CHODL: variants seen among roughly 807,000 people sequenced by gnomAD.
CHODL encodes the protein transmembrane protein MT75.
In CHODL, 29 loss-of-function variants were observed where a neutral mutation model predicts 34.5. The ratio of observed to expected loss-of-function variants is 0.84; its 90% CI spans 0.63 to 1.15. The LOEUF (loss-of-function observed/expected upper bound fraction) is 1.15. Ranked by LOEUF, CHODL falls within the 50% of genes most tolerant of loss-of-function variation. The probability of loss-of-function intolerance (pLI) is 0.00; values close to 1 mark genes in which losing one functional copy is unlikely to be tolerated. For synonymous variants in CHODL, 125 were observed against 116.1 expected, an observed-to-expected ratio of 1.08 and a Z score of -0.49; for missense variants, 332 against 332.5, an observed-to-expected ratio of 1.00 and a Z score of 0.01.
intron 1 of CHODL, among the ~76,000 whole-genome samples, chr21:17,998,313 G>T (rs908156777): frequency 2.0e-5 from 3 of 152,204 alleles, no homozygotes; most frequent in African/African-American, 4.8e-5. Flanking sequence ...TCAGGGTACA[G>T]TCTCTCTCCT....
intron 2 of CHODL, among the ~76,000 whole-genome samples, chr21:18,045,880 A>G (rs2064436909): frequency 6.6e-6 from 1 of 151,956 alleles, no homozygotes; most frequent in South Asian, 2.1e-4. Flanking sequence ...ACAAGGTGCC[A>G]TCTGAGAAGC....
At chr21:17,964,355 ACACACACG>A (rs1945592994) in intron 1 of CHODL, among the ~76,000 whole-genome samples, 2 of 152,254 alleles carry the variant, frequency 1.3e-5, no homozygotes, top group Admixed American at 1.3e-4. Context: ...ACAGTCACAC[ACACACACG>A]CACACATGCG....
chr21:18,056,939 G>T (rs971885116), intron 2 of CHODL, among the ~76,000 whole-genome samples: 1 of 152,020 alleles, frequency 6.6e-6, no homozygotes, highest in African/African-American at 2.4e-5. Context: ...CCCAATATCT[G>T]GTATTTCTGC....
Position 18,260,303 on chromosome 21 carries a change from T to C in CHODL, c.634+17T>C, listed in dbSNP as rs755513402. On this transcript the variant is annotated intron_variant, in intron 4 of 5. Transcript: ENST00000299295. ...CTGAAGCAGGTAATTACTTCATGTG[T>C]CTTTAACTTCATCAAGAACTGAACT... 4.4e-5 allele frequency: 65 copies of C among 1,475,784 alleles called. No homozygotes were observed. In the East Asian group the frequency reaches 1.4e-3, roughly 32 times the overall value. The allele number at this position is 1,475,784 out of a possible 1,614,324, so 91.4% of individuals were successfully genotyped here. A position where few individuals can be genotyped will look rare whatever the true frequency, so the allele number is the denominator to read the frequency against.
intron 2 of CHODL, among the ~76,000 whole-genome samples, chr21:18,192,671 G>T (rs2073525105): frequency 1.3e-5 from 2 of 151,962 alleles, no homozygotes; most frequent in Admixed American, 6.6e-5. Flanking sequence ...ATTTTTGTTT[G>T]TATTGCTTTG....
chr21:18,188,929 C>T (rs1241639999), intron 2 of CHODL, among the ~76,000 whole-genome samples: 3 of 152,174 alleles, frequency 2.0e-5, no homozygotes, highest in East Asian at 3.8e-4. Context: ...AGACCAATAA[C>T]GAGGGTGATG....
chr21:18,251,793 AG>A (rs1417705039), intron 1 of CHODL, among the ~76,000 whole-genome samples: 1 of 144,462 alleles, frequency 6.9e-6, no homozygotes, highest in Non-Finnish European at 1.5e-5. Flanking sequence ...CTTTATATAA[AG>A]AAGCCTCTTT....
At chr21:18,036,424 C>T (rs542592466) in intron 2 of CHODL, among the ~76,000 whole-genome samples, 5 of 152,022 alleles carry the variant, frequency 3.3e-5, no homozygotes, top group Non-Finnish European at 5.9e-5. Flanking sequence ...TAGGACTGTA[C>T]GCTCTGGCAC....
intron 2 of CHODL, among the ~76,000 whole-genome samples, chr21:18,076,503 A>C (rs1168086753): frequency 6.6e-6 from 1 of 152,178 alleles, no homozygotes; most frequent in African/African-American, 2.4e-5. Flanking sequence ...AAAGGCAAGA[A>C]GAGAAAAATG....
At chr21:18,040,239 C>T (rs1279650092) in intron 2 of CHODL, among the ~76,000 whole-genome samples, 4 of 151,782 alleles carry the variant, frequency 2.6e-5, no homozygotes, top group Admixed American at 2.6e-4. Flanking sequence ...TACATGTGGA[C>T]AATTCTTTCT....
chr21:18,044,490 T>A (rs79599206), intron 2 of CHODL, among the ~76,000 whole-genome samples: 1 of 151,964 alleles, frequency 6.6e-6, no homozygotes, highest in African/African-American at 2.4e-5. Flanking sequence ...ACTAACAACA[T>A]TGAATTTTCA....
chr21:18,246,633 G>C (rs2074145287), intron 1 of CHODL, among the ~76,000 whole-genome samples: 1 of 152,138 alleles, frequency 6.6e-6, no homozygotes, highest in South Asian at 2.1e-4. Context: ...TTACTTATCT[G>C]TCTTTGTATT....
intron 2 of CHODL, among the ~76,000 whole-genome samples, chr21:18,205,737 C>CTTT (rs56091373): frequency 0.097 from 12,274 of 126,988 alleles, 937 homozygotes; most frequent in African/African-American, 0.21. Context: ...AAGGAGTATA[C>CTTT]TTTTTTTTTT....
intron 2 of CHODL, among the ~76,000 whole-genome samples, chr21:18,136,956 C>T (rs1038547706): frequency 1.3e-5 from 2 of 151,958 alleles, no homozygotes; most frequent in African/African-American, 4.8e-5. Context: ...CTGCTCATCT[C>T]ATTTCACATT....
chr21:18,109,615 C>A (rs2146559249), intron 2 of CHODL, among the ~76,000 whole-genome samples: 1 of 152,198 alleles, frequency 6.6e-6, no homozygotes, highest in Middle Eastern at 3.4e-3. Flanking sequence ...GTCTTTTTTA[C>A]ATGCTTGTTT....
intron 2 of CHODL, among the ~76,000 whole-genome samples, chr21:18,222,524 G>A (rs1005291456): frequency 7.2e-5 from 11 of 152,248 alleles, no homozygotes; most frequent in Admixed American, 5.9e-4. Flanking sequence ...GGGCCTGTGA[G>A]AGCTGAGGGG....
At chr21:18,233,684 A>T (rs2074003279) in intron 2 of CHODL, among the ~76,000 whole-genome samples, 1 of 151,976 alleles carries the variant, frequency 6.6e-6, no homozygotes, top group Non-Finnish European at 1.5e-5. Flanking sequence ...CCTTTTTTTA[A>T]AAAAAATAAG....
At chr21:18,123,770 A>T (rs1031557160) in intron 2 of CHODL, among the ~76,000 whole-genome samples, 4 of 152,116 alleles carry the variant, frequency 2.6e-5, no homozygotes, top group Non-Finnish European at 5.9e-5. Context: ...TTGGCATGAA[A>T]TTTTTTTTGT....
At chr21:18,239,777 T>C (rs1254887452) in intron 2 of CHODL, among the ~76,000 whole-genome samples, 2 of 152,032 alleles carry the variant, frequency 1.3e-5, no homozygotes, top group Non-Finnish European at 2.9e-5. Flanking sequence ...GGATTTTTCA[T>C]TTTTTGTGGC....
Sources: allele counts gnomAD v4.1 joint callset (sites outside exome capture counted in the v4.1 genomes callset), GRCh38; gene constraint gnomAD v4.1.1; transcripts MANE v1.5; gene names NCBI Gene and HGNC (gene_info 2026-07-23, HGNC 2026-07-21).